Variants in NUMB observed in about 807,000 individuals in gnomAD.
NUMB encodes protein numb homolog.
In NUMB, 29 loss-of-function variants were observed where a neutral mutation model predicts 59.7. The observed-to-expected ratio is 0.49, with a 90% CI of 0.36 to 0.66. The LOEUF is 0.66. NUMB is among the 30% of genes least tolerant of loss of function. NUMB has a pLI of 0.00. For missense variants in NUMB, 723 were observed against 822.0 expected, an observed-to-expected ratio of 0.88 and a Z score of 1.47; for synonymous variants, 288 against 288.2, an observed-to-expected ratio of 1.00 and a Z score of 0.01.
At chr14:73,385,099 C>T (rs931099407) in intron 2 of NUMB, among the ~76,000 whole-genome samples, 5 of 151,740 alleles carry the variant, frequency 3.3e-5, no homozygotes, top group African/African-American at 1.2e-4. Context: ...TTTATGCTAT[C>T]CAATATGGTA....
In NUMB at chr14:73,276,483, A is replaced by C; in HGVS notation, c.*95T>G. The C allele has an allele frequency of 1.1e-6, 1 of 898,132 alleles. No individual in the cohort carries two copies. The highest frequency in any genetic ancestry group is 1.7e-6 in the Non-Finnish European group (1 of 587,422). 55.6% of individuals were successfully genotyped at this position (898,132 alleles called of 1,614,324 possible). A position where few individuals can be genotyped will look rare whatever the true frequency, so the allele number is the denominator to read the frequency against. On this transcript the variant is annotated 3_prime_UTR_variant, in exon 13 of 13. Coordinates refer to ENST00000555238, the MANE Select transcript of NUMB (RefSeq NM_001005743.2). ...TGGGACCTTTGGGATTAGTGAAAAG[A>C]GTACTAATCAGGAGACAAAGTCTGT...
chr14:73,397,401 C>A (rs1273932140), intron 2 of NUMB, among the ~76,000 whole-genome samples: 1 of 152,092 alleles, frequency 6.6e-6, no homozygotes, highest in Admixed American at 6.6e-5. Flanking sequence ...AGGAATTCAG[C>A]GGGGAGAAAG....
At chr14:73,380,452 C>T (rs1363068750) in intron 2 of NUMB, among the ~76,000 whole-genome samples, 1 of 152,116 alleles carries the variant, frequency 6.6e-6, no homozygotes, top group African/African-American at 2.4e-5. Context: ...AGTTACATGT[C>T]ACACTAAATT....
At chr14:73,361,883 G>A (rs1264762821) in intron 3 of NUMB, among the ~76,000 whole-genome samples, 2 of 152,114 alleles carry the variant, frequency 1.3e-5, no homozygotes, top group African/African-American at 4.8e-5. Flanking sequence ...GTCATGCTAT[G>A]TATGTAAATA....
At chr14:73,355,272 C>T (rs368859650) in intron 4 of NUMB, among the ~76,000 whole-genome samples, 79 of 152,290 alleles carry the variant, frequency 5.2e-4, no homozygotes, top group African/African-American at 6.0e-4. Context: ...AGCTGACTTC[C>T]ACTCCCTCAG....
intron 1 of NUMB, among the ~76,000 whole-genome samples, chr14:73,453,156 G>A (rs1884105390): frequency 6.6e-6 from 1 of 152,060 alleles, no homozygotes; most frequent in Non-Finnish European, 1.5e-5. Flanking sequence ...GTTTGAGACG[G>A]AGTTTCTCTC....
At chr14:73,384,443 T>A (rs760032788) in intron 2 of NUMB, among the ~76,000 whole-genome samples, 1 of 151,984 alleles carries the variant, frequency 6.6e-6, no homozygotes, top group African/African-American at 2.4e-5. Flanking sequence ...TCATTACCAA[T>A]AGACTTACAC....
chr14:73,373,477 T>C (rs775857119), intron 2 of NUMB, among the ~76,000 whole-genome samples: 8 of 152,216 alleles, frequency 5.3e-5, no homozygotes, highest in African/African-American at 7.2e-5. Flanking sequence ...GGCACTGTTC[T>C]TGGTGCTTAG....
intron 1 of NUMB, among the ~76,000 whole-genome samples, chr14:73,440,965 A>AT (rs1484009214): frequency 9.9e-5 from 15 of 151,394 alleles, no homozygotes; most frequent in African/African-American, 3.6e-4. Flanking sequence ...GCTGGACTTT[A>AT]TTAAAATGAA....
chr14:73,387,178 GGCC>G (rs1555376991), intron 2 of NUMB, among the ~76,000 whole-genome samples: 1 of 151,940 alleles, frequency 6.6e-6, no homozygotes, highest in Non-Finnish European at 1.5e-5. Flanking sequence ...CACCGCGCCC[GGCC>G]TATCAGGTGT....
At chr14:73,292,156 C>T (rs578223324) in intron 8 of NUMB, among the ~76,000 whole-genome samples, 1 of 152,230 alleles carries the variant, frequency 6.6e-6, no homozygotes, top group African/African-American at 2.4e-5. Flanking sequence ...TCGCCTCAGC[C>T]TCCCAAGGCA....
At position 73,284,249 on chromosome 14, in the gene NUMB, T is replaced by A. The variant is rs753217596; in HGVS notation, c.781A>T (p.Ile261Phe). 6.2e-7 allele frequency: 1 copy of A among 1,614,022 alleles called. No individual in the cohort carries two copies. Among genetic ancestry groups the A allele is most frequent in the African/African-American group, 1.3e-5 (1 of 74,914 alleles). The change falls in exon 10 of 13, where the codon ATC (isoleucine) becomes TTC (phenylalanine). Residue 261 changes from isoleucine (I) to phenylalanine (F), a missense_variant. Transcript: ENST00000555238. ...TSLEMNNPHA[I>F]PRRHAPIEQL... ...TCAATTGGAGCATGCCGGCGTGGGA[T>A]GGCATGAGGATTGTTCATCTCCAGA...
intron 2 of NUMB, among the ~76,000 whole-genome samples, chr14:73,384,185 T>A (rs1895384975): frequency 6.6e-6 from 1 of 151,572 alleles, no homozygotes; most frequent in South Asian, 2.1e-4. Context: ...GGAGTCTTCC[T>A]CCACACCATT....
intron 6 of NUMB, among the ~76,000 whole-genome samples, chr14:73,311,759 A>G (rs983250035): frequency 1.7e-4 from 26 of 152,110 alleles, no homozygotes; most frequent in Admixed American, 3.3e-4. Flanking sequence ...TTTATGAGGA[A>G]CTGTACTGGA....
At chr14:73,399,116 G>A (rs984970890) in intron 2 of NUMB, among the ~76,000 whole-genome samples, 28 of 152,034 alleles carry the variant, frequency 1.8e-4, no homozygotes, top group African/African-American at 6.8e-4. Context: ...GATCAAAAAA[G>A]AATAAATAGA....
intron 4 of NUMB, among the ~76,000 whole-genome samples, chr14:73,326,346 G>C (rs1891659773): frequency 6.6e-6 from 1 of 152,002 alleles, no homozygotes; most frequent in South Asian, 2.1e-4. Context: ...TAAACTGATG[G>C]CCGGTCGCGG....
At chr14:73,447,899 C>T (rs1883649162) in intron 1 of NUMB, among the ~76,000 whole-genome samples, 1 of 151,604 alleles carries the variant, frequency 6.6e-6, no homozygotes, top group Non-Finnish European at 1.5e-5. Flanking sequence ...CGGGTTCAAG[C>T]GATTCTCCCA....
Position 73,287,450 on chromosome 14 carries a change from C to T in NUMB, c.451-136G>A, listed in dbSNP as rs1307232036. 1.5e-5 allele frequency: 11 copies of T among 719,438 alleles called. No homozygotes were observed. In the African/African-American group the frequency reaches 1.8e-4, roughly 12 times the overall value. 44.6% of individuals were successfully genotyped at this position (719,438 alleles called of 1,614,324 possible). ...CTGGAGTGCAGTGGCGCAGTCTCTGCTCACTGCAACCTCTGCCTCCGGGCT... is the reference window on the plus strand; with the variant it reads ...CTGGAGTGCAGTGGCGCAGTCTCTGTTCACTGCAACCTCTGCCTCCGGGCT... On this transcript the variant is annotated intron_variant, in intron 8 of 12. Coordinates refer to ENST00000555238, the MANE Select transcript of NUMB (RefSeq NM_001005743.2).
At chr14:73,281,641 T>G (rs972161467) in intron 11 of NUMB, 4 of 152,244 alleles carry the variant, frequency 2.6e-5, no homozygotes, top group African/African-American at 9.6e-5. Flanking sequence ...CAATATCCAC[T>G]ATTTAGTCAG....
Sources: gnomAD v4.1 joint callset for allele counts (sites outside exome capture counted in the v4.1 genomes callset) on GRCh38, gnomAD v4.1.1 for gene constraint, MANE v1.5 for transcripts, NCBI Gene and HGNC (gene_info 2026-07-23, HGNC 2026-07-21) for gene names.